JAKMIP1: variants seen among roughly 807,000 people sequenced by gnomAD.
JAKMIP1 encodes the protein janus kinase and microtubule interacting protein 1, also known as janus kinase and microtubule-interacting protein 1.
A neutral mutation model predicts 113.0 loss-of-function variants in JAKMIP1; 33 were observed. The ratio of observed to expected loss-of-function variants is 0.29; its 90% confidence interval spans 0.22 to 0.39. The LOEUF is 0.39. Among genes scored for constraint, JAKMIP1 ranks in the 10% least tolerant of loss-of-function variants. The pLI is 1.00. For missense variants in JAKMIP1, 813 were observed against 1,080.5 expected, an observed-to-expected ratio of 0.75 and a Z score of 3.47; for synonymous variants, 480 against 459.9, an observed-to-expected ratio of 1.04 and a Z score of -0.56.
In JAKMIP1 at chr4:6,193,401, T is replaced by C. The variant is rs1320988067; in HGVS notation, c.-148+6852A>G. On this transcript the variant is annotated intron_variant, in intron 1 of 20. Coordinates refer to ENST00000409021, the MANE Select transcript of JAKMIP1 (RefSeq NM_001099433.2). This position sits in a 1 kb window ranked among gnomAD's most constrained non-coding sequence, Gnocchi z 6.4. ...TAATAAACTCCTTTTCATATACACATATATCCGATTAGTTCTGTCTCTCTA... is the reference window on the plus strand; with the variant it reads ...TAATAAACTCCTTTTCATATACACACATATCCGATTAGTTCTGTCTCTCTA... Among the ~76,000 whole-genome samples, 1 of 152,152 alleles carries C rather than the reference T, an allele frequency of 6.6e-6. No individual in the cohort carries two copies. Among genetic ancestry groups the C allele is most frequent in the Admixed American group, 6.5e-5 (1 of 15,284 alleles).
At chr4:6,092,736 A>G (rs1473117234) in intron 3 of JAKMIP1, among the ~76,000 whole-genome samples, 1 of 152,166 alleles carries the variant, frequency 6.6e-6, no homozygotes, top group Non-Finnish European at 1.5e-5. Context: ...CAGACCCACT[A>G]TATCGGTCAT....
At chr4:6,098,540 G>T (rs1281443454) in intron 3 of JAKMIP1, among the ~76,000 whole-genome samples, 1 of 31,388 alleles carries the variant, frequency 3.2e-5, no homozygotes. Context: ...GAGAGAGAGA[G>T]AAAGAAAAAG....
At chr4:6,127,209 C>T (rs532112737) in intron 1 of JAKMIP1, among the ~76,000 whole-genome samples, 14 of 152,324 alleles carry the variant, frequency 9.2e-5, no homozygotes, top group Middle Eastern at 3.4e-3. Flanking sequence ...CACCTCACTA[C>T]GTGCTGCTCA....
intron 20 of JAKMIP1, among the ~76,000 whole-genome samples, chr4:6,027,548 T>A (rs1437344517): frequency 1.3e-5 from 2 of 152,180 alleles, no homozygotes; most frequent in Non-Finnish European, 1.5e-5. Context: ...CAGGCCCCGA[T>A]GCCTGTAAGG....
chr4:6,151,214 G>A (rs1436325333), intron 1 of JAKMIP1, among the ~76,000 whole-genome samples: 1 of 152,118 alleles, frequency 6.6e-6, no homozygotes, highest in Non-Finnish European at 1.5e-5. Flanking sequence ...TTCCATACAG[G>A]ACCTCATTTA....
chr4:6,185,368 C>T lies in JAKMIP1; in HGVS notation c.-148+14885G>A, dbSNP rs1344727422. On this transcript the variant is annotated intron_variant, in intron 1 of 20. Coordinates refer to ENST00000409021, the MANE Select transcript of JAKMIP1 (RefSeq NM_001099433.2). The surrounding 1 kb of genome is among the most constrained non-coding windows in gnomAD (Gnocchi z 5.3). ...CTCATTAAAAGCCAGACCCCAGGGGCCGGGCACGGTGGCTCACGCCTGTAA... is the reference window on the plus strand; with the variant it reads ...CTCATTAAAAGCCAGACCCCAGGGGTCGGGCACGGTGGCTCACGCCTGTAA... Among the ~76,000 whole-genome samples the T allele has an allele frequency of 1.3e-5, 2 of 152,316 alleles. No homozygotes were observed. The highest frequency in any genetic ancestry group is 4.8e-5 in the African/African-American group (2 of 41,560).
intron 19 of JAKMIP1, among the ~76,000 whole-genome samples, chr4:6,032,854 C>T (rs1712915793): frequency 6.6e-6 from 1 of 152,164 alleles, no homozygotes; most frequent in African/African-American, 2.4e-5. Flanking sequence ...GTGAGGGTCT[C>T]AGCGGGAGGC....
Position 6,081,350 on chromosome 4 carries a change from CAG to C in JAKMIP1, c.1101+257_1101+258del, listed in dbSNP as rs1720511325. Among the ~76,000 whole-genome samples, 1 of 152,196 alleles carries C rather than the reference CAG, an allele frequency of 6.6e-6. No individual in the cohort carries two copies. Among genetic ancestry groups the C allele is most frequent in the Non-Finnish European group, 1.5e-5 (1 of 68,036 alleles). ...CATTCCCATTTTATGCATGAAGAAA[CAG>C]AGGCTCAGAGAGAATGGGGGATGTG... On this transcript the variant is annotated intron_variant, in intron 6 of 20. Transcript: ENST00000409021. The surrounding 1 kb of genome is among the most constrained non-coding windows in gnomAD (Gnocchi z 4.6).
rs552966384 is a variant in JAKMIP1 at position 6,185,423 on chromosome 4, G to T, written c.-148+14830C>A. On this transcript the variant is annotated intron_variant, in intron 1 of 20. Transcript: ENST00000409021. The surrounding 1 kb of genome is among the most constrained non-coding windows in gnomAD (Gnocchi z 5.3). ...AGCACTTTGGGAGGCCGAGGTGGGC[G>T]GATCATGAGGTCAGGAGATCGAGAC... is the stretch of plus-strand genomic sequence containing the variant. Among the ~76,000 whole-genome samples, 1 of 152,054 alleles carries T rather than the reference G, an allele frequency of 6.6e-6. No homozygotes were observed. Among genetic ancestry groups the T allele is most frequent in the Non-Finnish European group, 1.5e-5 (1 of 68,014 alleles).
intron 1 of JAKMIP1, 66 bp from the exon 2 acceptor site, chr4:6,113,063 G>T: frequency 1.4e-6 from 1 of 694,332 alleles, no homozygotes; most frequent in Non-Finnish European, 2.3e-6. Flanking sequence ...CCCTGCCTCG[G>T]GCACCCTGGG....
intron 1 of JAKMIP1, among the ~76,000 whole-genome samples, chr4:6,165,274 G>C (rs1364397706): frequency 6.6e-6 from 1 of 152,212 alleles, no homozygotes; most frequent in African/African-American, 2.4e-5. Flanking sequence ...TAGCTAAATA[G>C]CTAAAGTTGT....
At chr4:6,161,482 G>A (rs1722951349) in intron 1 of JAKMIP1, among the ~76,000 whole-genome samples, 1 of 152,122 alleles carries the variant, frequency 6.6e-6, no homozygotes, top group Non-Finnish European at 1.5e-5. Flanking sequence ...TGAACGGGGA[G>A]GTCCCCAAAG....
chr4:6,190,581 G>T (rs528512565), intron 1 of JAKMIP1, among the ~76,000 whole-genome samples: 21 of 152,210 alleles, frequency 1.4e-4, no homozygotes, highest in Non-Finnish European at 2.8e-4. Context: ...GCCTGGGGAG[G>T]AAGGTCTGCT....
At position 6,143,314 on chromosome 4, in the gene JAKMIP1, C is replaced by T. The variant is rs1009225684; in HGVS notation, c.-147-30317G>A. ...ACTTGGGGGCTTCCTGACTTCCTGT[C>T]TGAATCTCAGCCAATTCTGGGATCT... is the stretch of plus-strand genomic sequence containing the variant. On this transcript the variant is annotated intron_variant, in intron 1 of 20. Coordinates refer to ENST00000409021, the MANE Select transcript of JAKMIP1 (RefSeq NM_001099433.2). This position sits in a 1 kb window ranked among gnomAD's most constrained non-coding sequence, Gnocchi z 4.9. Among the ~76,000 whole-genome samples, 2 of 152,204 alleles carry T rather than the reference C, an allele frequency of 1.3e-5. No individual in the cohort carries two copies.
In JAKMIP1 at chr4:6,156,361, T is replaced by C. The variant is rs771246556; in HGVS notation, c.-147-43364A>G. On this transcript the variant is annotated intron_variant, in intron 1 of 20. Coordinates refer to ENST00000409021, the MANE Select transcript of JAKMIP1 (RefSeq NM_001099433.2). The surrounding 1 kb of genome is among the most constrained non-coding windows in gnomAD (Gnocchi z 5.0). ...TGAATAGCACTTTTTCCCATTTCTT[T>C]AGTGGTACAAAAATAATGATGCATG... Among the ~76,000 whole-genome samples the C allele has an allele frequency of 1.6e-4, 25 of 152,238 alleles. No individual in the cohort carries two copies. The highest frequency in any genetic ancestry group is 3.1e-4 in the Non-Finnish European group (21 of 68,044).
intron 1 of JAKMIP1, among the ~76,000 whole-genome samples, chr4:6,171,765 A>G (rs1374400212): frequency 3.3e-5 from 5 of 151,928 alleles, no homozygotes; most frequent in Non-Finnish European, 5.9e-5. Context: ...TCAAATGCCA[A>G]CTCCCTGCCT....
rs1302272492 is a variant in JAKMIP1, at chr4:6,088,716, G to C, written c.625-3087C>G. Among the ~76,000 whole-genome samples, 1 of 152,194 alleles carries C rather than the reference G, an allele frequency of 6.6e-6. No individual in the cohort carries two copies. The highest frequency in any genetic ancestry group is 2.4e-5 in the African/African-American group (1 of 41,440). ...GTAGCAAGAGGCAGGCACACTCACA[G>C]TTCACTGACTTTACTCCTGGATCAC... On this transcript the variant is annotated intron_variant, in intron 3 of 20. Coordinates refer to ENST00000409021, the MANE Select transcript of JAKMIP1 (RefSeq NM_001099433.2). The surrounding 1 kb of genome is among the most constrained non-coding windows in gnomAD (Gnocchi z 5.5).
At chr4:6,027,447 C>A (rs1712000574) in intron 20 of JAKMIP1, among the ~76,000 whole-genome samples, 1 of 152,148 alleles carries the variant, frequency 6.6e-6, no homozygotes, top group Non-Finnish European at 1.5e-5. Flanking sequence ...TTAAGACCAT[C>A]CAGTGGGGGT....
Position 6,081,492 on chromosome 4 carries a change from T to A in JAKMIP1, c.1101+117A>T. 9.1e-7 allele frequency: 1 copy of A among 1,099,200 alleles called. No individual in the cohort carries two copies. The highest frequency in any genetic ancestry group is 1.3e-6 in the Non-Finnish European group (1 of 747,770). 68.1% of individuals were successfully genotyped at this position (1,099,200 alleles called of 1,614,324 possible). On this transcript the variant is annotated intron_variant, in intron 6 of 20. Transcript: ENST00000409021. This position sits in a 1 kb window ranked among gnomAD's most constrained non-coding sequence, Gnocchi z 4.6. ...GTGACTGACACTGTGCCTGGTGCTT[T>A]GTGGGGAGGTGGGCAGCAGGTGCGC...
Sources: allele counts gnomAD v4.1 joint callset (sites outside exome capture counted in the v4.1 genomes callset), GRCh38; gene constraint gnomAD v4.1.1; non-coding constraint Gnocchi (gnomAD v3.1); transcripts MANE v1.5; gene names NCBI Gene and HGNC (gene_info 2026-07-23, HGNC 2026-07-21).